Variants in SLC22A23 observed in about 807,000 individuals in gnomAD.
SLC22A23 encodes solute carrier family 22 member 23.
A neutral mutation model predicts 61.0 loss-of-function variants in SLC22A23; 26 were observed. That is an observed-to-expected ratio of 0.43 (90% confidence interval 0.31 to 0.59). The LOEUF is 0.59. SLC22A23 is among the 20% of genes least tolerant of loss of function. SLC22A23 has a pLI of 0.11. For missense variants in SLC22A23, 796 were observed against 934.7 expected (o/e 0.85, Z 1.94); for synonymous variants, 430 against 413.9 (o/e 1.04, Z -0.47).
At chr6:3,361,810 G>A (rs1317704792) in intron 3 of SLC22A23, among the ~76,000 whole-genome samples, 3 of 152,214 alleles carry the variant, frequency 2.0e-5, no homozygotes, top group Admixed American at 1.3e-4. Flanking sequence ...AGGCCTCCAC[G>A]GCTGGGACAC....
In SLC22A23 at chr6:3,271,091, T is replaced by G. The variant is rs1758444789; in HGVS notation, c.*1964A>C. On this transcript the variant is annotated 3_prime_UTR_variant, in exon 10 of 10. Transcript: ENST00000406686. ...AATGGGGGTTTGTTGACAGGTGGCT[T>G]TATAGCAAGTACTCCAAAAAAGGTA... 6.6e-6 allele frequency: 1 copy of G among 152,388 alleles called. No individual in the cohort carries two copies. The highest frequency in any genetic ancestry group is 2.4e-5 in the African/African-American group (1 of 41,426). 9.4% of individuals were successfully genotyped at this position (152,388 alleles called of 1,614,324 possible).
chr6:3,324,279 AT>A lies in SLC22A23; in HGVS notation c.914-278del, dbSNP rs1763149572. The A allele has an allele frequency of 6.6e-6, 3 of 454,442 alleles. No individual in the cohort carries two copies. Among genetic ancestry groups the A allele is most frequent in the African/African-American group, 5.8e-5 (3 of 51,362 alleles). The allele number at this position is 454,442 out of a possible 1,614,324, so 28.2% of individuals were successfully genotyped here. A position where few individuals can be genotyped will look rare whatever the true frequency, so the allele number is the denominator to read the frequency against. Reference sequence around the variant, plus strand: ...AGGAGCTTAGCTCAGAAACCAGGAAATGGTACTGCCTATGGGACAGATCGCC... The same window carrying A: ...AGGAGCTTAGCTCAGAAACCAGGAAAGGTACTGCCTATGGGACAGATCGCC... On this transcript the variant is annotated intron_variant, in intron 3 of 9. Transcript: ENST00000406686. The surrounding 1 kb of genome is among the most constrained non-coding windows in gnomAD (Gnocchi z 4.3).
chr6:3,300,998 A>T (rs76643706), intron 4 of SLC22A23, among the ~76,000 whole-genome samples: 1 of 140,618 alleles, frequency 7.1e-6, no homozygotes, highest in Non-Finnish European at 1.6e-5. Flanking sequence ...GATTTTTTTT[A>T]AATACTCAAA....
chr6:3,406,890 T>G (rs950577565), intron 3 of SLC22A23, among the ~76,000 whole-genome samples: 2 of 151,682 alleles, frequency 1.3e-5, no homozygotes, highest in Non-Finnish European at 2.9e-5. Flanking sequence ...TCAGCAGCCT[T>G]GCAAATAAAG....
rs1015833681 is a variant in SLC22A23 at position 3,360,939 on chromosome 6, C to T, written c.914-36937G>A. Reference sequence around the variant, plus strand: ...AGGTCAGAGCGTGGTACTGGGGTGACGAGAGGCGCTAGCGAACATCAGCAG... The same window carrying T: ...AGGTCAGAGCGTGGTACTGGGGTGATGAGAGGCGCTAGCGAACATCAGCAG... On this transcript the variant is annotated intron_variant, in intron 3 of 9. Coordinates refer to ENST00000406686, the MANE Select transcript of SLC22A23 (RefSeq NM_015482.2). The surrounding 1 kb of genome is among the most constrained non-coding windows in gnomAD (Gnocchi z 4.6). Among the ~76,000 whole-genome samples, 29 of 152,208 alleles carry T rather than the reference C, an allele frequency of 1.9e-4. No homozygotes were observed. The highest frequency in any genetic ancestry group is 6.5e-4 in the African/African-American group (27 of 41,438).
chr6:3,301,696 G>A lies in SLC22A23; in HGVS notation c.1083-3478C>T, dbSNP rs543677993. On this transcript the variant is annotated intron_variant, in intron 4 of 9. Coordinates refer to ENST00000406686, the MANE Select transcript of SLC22A23 (RefSeq NM_015482.2). The stretch of plus-strand genomic sequence containing the variant: ...AGGGCCACTGCCCAGGGCTGAGGGC[G>A]CAGGTGGTGTGAACGAGCAGGGCAG... Among the ~76,000 whole-genome samples the A allele has an allele frequency of 3.3e-5, 5 of 152,334 alleles. No homozygotes were observed. The East Asian group carries it at 5.8e-4, about 18-fold the overall frequency.
At position 3,324,059 on chromosome 6, in the gene SLC22A23, T is replaced by A; in HGVS notation, c.914-57A>T. ...GTGCCCTGCTCGACAGCCCGAGAAG[T>A]CCTGGGTGCACCTGGGCCAGTGCAC... On this transcript the variant is annotated intron_variant, in intron 3 of 9. Coordinates refer to ENST00000406686, the MANE Select transcript of SLC22A23 (RefSeq NM_015482.2). The surrounding 1 kb of genome is among the most constrained non-coding windows in gnomAD (Gnocchi z 4.3). 10 of 1,588,120 alleles carry A rather than the reference T, an allele frequency of 6.3e-6. No individual in the cohort carries two copies. The South Asian group carries it at 1.1e-4, about 18-fold the overall frequency.
chr6:3,284,957 G>A, intron 8 of SLC22A23, 122 bp downstream of exon 8: 1 of 1,549,750 alleles, frequency 6.5e-7, no homozygotes, highest in South Asian at 1.2e-5. Flanking sequence ...TTCAGCTGCA[G>A]TTCTTGGAGG....
intron 3 of SLC22A23, among the ~76,000 whole-genome samples, chr6:3,371,694 G>T (rs1302759101): frequency 6.6e-6 from 1 of 152,150 alleles, no homozygotes; most frequent in Non-Finnish European, 1.5e-5. Flanking sequence ...AACACCAAAT[G>T]AATGTTAGCT....
intron 9 of SLC22A23, among the ~76,000 whole-genome samples, chr6:3,278,132 A>G (rs1759083670): frequency 6.6e-6 from 1 of 152,244 alleles, no homozygotes; most frequent in Non-Finnish European, 1.5e-5. Flanking sequence ...ACCATAAGAT[A>G]GTAGATGCAT....
At chr6:3,401,328 A>T (rs989258349) in intron 3 of SLC22A23, among the ~76,000 whole-genome samples, 2 of 152,210 alleles carry the variant, frequency 1.3e-5, no homozygotes, top group Non-Finnish European at 2.9e-5. Context: ...ACAGAGTGAG[A>T]TTCCATCTCA....
chr6:3,321,362 TCATGCACACA>T (rs896514610), intron 4 of SLC22A23, among the ~76,000 whole-genome samples: 3 of 152,072 alleles, frequency 2.0e-5, no homozygotes, highest in African/African-American at 7.2e-5. Flanking sequence ...ACCGCCATCC[TCATGCACACA>T]CGTGCACACA....
Position 3,276,390 on chromosome 6 carries a change from GTCTGCGCTCCTCCCTGGCGCATCT to G in SLC22A23, c.1704-3002_1704-2979del, listed in dbSNP as rs1341921011. On this transcript the variant is annotated intron_variant, in intron 9 of 9. Coordinates refer to ENST00000406686, the MANE Select transcript of SLC22A23 (RefSeq NM_015482.2). Reference sequence around the variant, plus strand: ...AGGGCCTCCACTCCAGGCCGCCTGGGTCTGCGCTCCTCCCTGGCGCATCTTCTGCACCCCCTAGACTTTGTTTCC... The same window carrying G: ...AGGGCCTCCACTCCAGGCCGCCTGGGTCTGCACCCCCTAGACTTTGTTTCC... Among the ~76,000 whole-genome samples, 107 of 152,304 alleles carry G rather than the reference GTCTGCGCTCCTCCCTGGCGCATCT, an allele frequency of 7.0e-4. 1 individual carries two copies. The highest frequency in any genetic ancestry group is 6.8e-3 in the Middle Eastern group (2 of 294).
In SLC22A23 at chr6:3,327,544, C is replaced by T. The variant is rs948692396; in HGVS notation, c.914-3542G>A. On this transcript the variant is annotated intron_variant, in intron 3 of 9. Transcript: ENST00000406686. This position sits in a 1 kb window ranked among gnomAD's most constrained non-coding sequence, Gnocchi z 4.1. ...CTGCTGTGGTTAAAAGCCTGGACTC[C>T]GTAGCTAGAGTGCCCAAGTTCAAAT... 2.0e-5 allele frequency among the ~76,000 whole-genome samples: 3 copies of T among 152,172 alleles called. No individual in the cohort carries two copies. Among genetic ancestry groups the T allele is most frequent in the African/African-American group, 4.8e-5 (2 of 41,444 alleles).
chr6:3,340,478 C>T (rs1764090419), intron 3 of SLC22A23, among the ~76,000 whole-genome samples: 3 of 152,172 alleles, frequency 2.0e-5, no homozygotes, highest in South Asian at 4.2e-4. Flanking sequence ...TCCAGGTAAC[C>T]ATGAGATAAA....
At chr6:3,400,633 GGTCACAACTGGCAAGT>G in intron 3 of SLC22A23, among the ~76,000 whole-genome samples, 1 of 152,348 alleles carries the variant, frequency 6.6e-6, no homozygotes, top group East Asian at 1.9e-4. Context: ...CCTTGTTAAA[GGTCACAACTGGCAAGT>G]GGGGGGCTTG....
At chr6:3,275,491 C>T (rs1395796469) in intron 9 of SLC22A23, among the ~76,000 whole-genome samples, 2 of 152,174 alleles carry the variant, frequency 1.3e-5, no homozygotes, top group East Asian at 3.8e-4. Context: ...TTAAAAACTC[C>T]TACCCTTCAA....
chr6:3,359,725 G>T (rs1407478431), intron 3 of SLC22A23, among the ~76,000 whole-genome samples: 1 of 152,142 alleles, frequency 6.6e-6, no homozygotes, highest in Non-Finnish European at 1.5e-5. Context: ...GTGAAAGCAA[G>T]GACCTGAAAT....
chr6:3,341,037 T>A (rs1764123963), intron 3 of SLC22A23, among the ~76,000 whole-genome samples: 1 of 152,212 alleles, frequency 6.6e-6, no homozygotes, highest in African/African-American at 2.4e-5. Context: ...TGGCCTGCTG[T>A]GAAGTCAGGG....
Sources: gnomAD v4.1 joint callset for allele counts (sites outside exome capture counted in the v4.1 genomes callset) on GRCh38, gnomAD v4.1.1 for gene constraint, Gnocchi (gnomAD v3.1) non-coding constraint, MANE v1.5 for transcripts, NCBI Gene and HGNC (gene_info 2026-07-23, HGNC 2026-07-21) for gene names.